The following VWA5B1 variants were observed in gnomAD, a reference collection of about 807,000 sequenced individuals.
VWA5B1 encodes the protein von Willebrand factor A domain-containing protein 5B1.
Under a neutral mutation model 118.2 loss-of-function variants are expected in VWA5B1, and 115 were observed. The ratio of observed to expected loss-of-function variants is 0.97; its 90% CI spans 0.84 to 1.14. VWA5B1 has a LOEUF of 1.14. Among genes scored for constraint, VWA5B1 ranks in the 50% most tolerant of loss-of-function variants. The pLI, the probability that VWA5B1 is intolerant of heterozygous loss-of-function variation, is 0.00. For missense variants in VWA5B1, 1,596 were observed against 1,603.8 expected (o/e 1.00, Z 0.08); for synonymous variants, 682 against 658.4 (o/e 1.04, Z -0.55).
intron 4 of VWA5B1, among the ~76,000 whole-genome samples, chr1:20,315,358 C>T (rs567828473): frequency 3.9e-5 from 6 of 152,178 alleles, no homozygotes; most frequent in African/African-American, 9.6e-5. Flanking sequence ...AACAAGGAAC[C>T]ATTAAGAGGG....
chr1:20,315,142 G>A (rs182179830), intron 4 of VWA5B1, among the ~76,000 whole-genome samples: 47 of 152,370 alleles, frequency 3.1e-4, no homozygotes, highest in African/African-American at 1.0e-3. Context: ...TCTCCGAGGA[G>A]TGATGTTTCA....
chr1:20,343,629 C>T (rs2089940466), intron 16 of VWA5B1, among the ~76,000 whole-genome samples: 1 of 141,910 alleles, frequency 7.0e-6, no homozygotes, highest in African/African-American at 2.7e-5. Flanking sequence ...CGCCCCATCC[C>T]CTCATTACAA....
chr1:20,314,694 A>C (rs1461458665), intron 4 of VWA5B1, 102 bp downstream of exon 4: 1 of 1,476,930 alleles, frequency 6.8e-7, no homozygotes, highest in African/African-American at 1.4e-5. Context: ...CAGGGAGGAG[A>C]TGGGGAGGCT....
intron 1 of VWA5B1, among the ~76,000 whole-genome samples, chr1:20,310,311 C>T (rs1000822567): frequency 6.6e-6 from 1 of 152,122 alleles, no homozygotes; most frequent in Non-Finnish European, 1.5e-5. Context: ...TGTGCGCCAA[C>T]GCTTTGAGTG....
At chr1:20,327,013 CCATCATGAT>C (rs1428747107) in intron 8 of VWA5B1, among the ~76,000 whole-genome samples, 1 of 152,096 alleles carries the variant, frequency 6.6e-6, no homozygotes. Flanking sequence ...ACCATCGTCA[CCATCATGAT>C]CATCATGATC....
At position 20,353,732 on chromosome 1, in the gene VWA5B1, A is replaced by T. The variant is rs186172455; in HGVS notation, c.3142-25A>T. On this transcript the variant is annotated intron_variant, in intron 21 of 21. Transcript: ENST00000289815. The stretch of plus-strand genomic sequence containing the variant: ...CCCTGGGCTAAAACATTTGAGGCCC[A>T]CTGAAGGGCTTCCCCCACACACAGG... 1.2e-5 allele frequency: 18 copies of T among 1,449,076 alleles called. No homozygotes were observed. In the East Asian group the frequency reaches 3.8e-4, roughly 30 times the overall value. The allele number at this position is 1,449,076 out of a possible 1,614,324, so 89.8% of individuals were successfully genotyped here. A position where few individuals can be genotyped will look rare whatever the true frequency, so the allele number is the denominator to read the frequency against.
chr1:20,297,383 A>G (rs762799706), intron 1 of VWA5B1, among the ~76,000 whole-genome samples: 12 of 152,212 alleles, frequency 7.9e-5, no homozygotes, highest in Non-Finnish European at 1.6e-4. Context: ...GGGCAAGCAC[A>G]CATTGGCTTT....
Position 20,313,075 on chromosome 1 carries a change from T to G in VWA5B1, c.292+87T>G, listed in dbSNP as rs1324200399. The G allele has an allele frequency of 3.4e-6, 5 of 1,485,930 alleles. No individual in the cohort carries two copies. The African/African-American group carries it at 4.2e-5, about 12-fold the overall frequency. The allele number at this position is 1,485,930 out of a possible 1,614,324, so 92.0% of individuals were successfully genotyped here. ...TGGAGCCTCAGGCCAACTGCAAGGA[T>G]AGCAGTGGGATATGAGGCAGAAAGA... On this transcript the variant is annotated intron_variant, in intron 3 of 21. Transcript: ENST00000289815.
rs536004735 is a variant in VWA5B1 at position 20,336,754 on chromosome 1, C to T, written c.1942+268C>T. Among the ~76,000 whole-genome samples, 7 of 152,264 alleles carry T rather than the reference C, an allele frequency of 4.6e-5. No individual in the cohort carries two copies. In the East Asian group the frequency reaches 1.2e-3, roughly 25 times the overall value. On this transcript the variant is annotated intron_variant, in intron 13 of 21. Transcript: ENST00000289815. ...TAGTTTCCATTCAAAGGGTACTTAT[C>T]GATTCCTTACTAAGGTTAGGGGCTG...
At chr1:20,310,386 C>G (rs1285991806) in intron 1 of VWA5B1, among the ~76,000 whole-genome samples, 190 bp from the exon 2 acceptor site, 3 of 152,152 alleles carry the variant, frequency 2.0e-5, no homozygotes, top group Non-Finnish European at 4.4e-5. Context: ...AGGAAGAGAA[C>G]GGCCACTTCT....
In VWA5B1 at chr1:20,293,610, G is replaced by A. The variant is rs111733418; in HGVS notation, c.-27+2522G>A. Among the ~76,000 whole-genome samples, 1,097 of 152,332 alleles carry A rather than the reference G, an allele frequency of 7.2e-3. 8 individuals carry two copies. Among genetic ancestry groups the A allele is most frequent in the Middle Eastern group, 0.044 (13 of 294 alleles). ...GTCCTTACTCCAGTCAGCCTGGGAA[G>A]GGGCTTGAGCAAGGCCAAGAAGAGG... is the stretch of plus-strand genomic sequence containing the variant. On this transcript the variant is annotated intron_variant, in intron 1 of 21. Transcript: ENST00000289815.
intron 8 of VWA5B1, among the ~76,000 whole-genome samples, chr1:20,327,292 G>T (rs771130856): frequency 6.6e-6 from 1 of 152,116 alleles, no homozygotes; most frequent in African/African-American, 2.4e-5. Context: ...TACCTGCCTC[G>T]AAGGGTTATG....
At chr1:20,335,003 C>G (rs1474616629) in intron 12 of VWA5B1, among the ~76,000 whole-genome samples, 2 of 151,824 alleles carry the variant, frequency 1.3e-5, no homozygotes, top group Non-Finnish European at 2.9e-5. Context: ...ATTGTGCAGT[C>G]AAATGCTAAA....
At chr1:20,308,070 AT>A (rs1187347709) in intron 1 of VWA5B1, among the ~76,000 whole-genome samples, 1 of 152,078 alleles carries the variant, frequency 6.6e-6, no homozygotes, top group Non-Finnish European at 1.5e-5. Context: ...TATTATTGCC[AT>A]CTTTATGTCC....
intron 1 of VWA5B1, among the ~76,000 whole-genome samples, chr1:20,299,848 C>A (rs183244554): frequency 6.6e-6 from 1 of 152,176 alleles, no homozygotes; most frequent in South Asian, 2.1e-4. Context: ...CTCCTACCCC[C>A]GCCTCCCCAC....
intron 1 of VWA5B1, among the ~76,000 whole-genome samples, chr1:20,305,282 G>A (rs1298396471): frequency 2.0e-5 from 3 of 152,124 alleles, no homozygotes; most frequent in African/African-American, 7.2e-5. Context: ...TGGAAATGCA[G>A]GCTGAGCTGG....
intron 17 of VWA5B1, among the ~76,000 whole-genome samples, chr1:20,346,029 G>A (rs977140254): frequency 6.6e-6 from 1 of 152,146 alleles, no homozygotes; most frequent in East Asian, 1.9e-4. Flanking sequence ...TCAAAAGACA[G>A]ATCATTTTAC....
chr1:20,318,628 G>T lies in VWA5B1; in HGVS notation c.748G>T (p.Ala250Ser), dbSNP rs1048425237. 1 of 1,550,736 alleles carries T rather than the reference G, an allele frequency of 6.4e-7. No individual in the cohort carries two copies. Among genetic ancestry groups the T allele is most frequent in the South Asian group, 1.2e-5 (1 of 83,870 alleles). ...CACTCATGAGATTCGTGCCGACGCC[G>T]CCCCATCTGCCCGCTCGGCCAAGAG... Reference protein sequence around the residue: ...SPTHEIRADAAPSARSAKSII... With the variant: ...SPTHEIRADASPSARSAKSII... Residue 250 changes from alanine to serine, a missense_variant, in exon 6 of 22, where the codon GCC becomes TCC. By Grantham distance (99) the Ala-to-Ser change is moderately conservative. Transcript: ENST00000289815.
At chr1:20,306,137 C>T (rs1238437366) in intron 1 of VWA5B1, among the ~76,000 whole-genome samples, 1 of 152,050 alleles carries the variant, frequency 6.6e-6, no homozygotes, top group Non-Finnish European at 1.5e-5. Flanking sequence ...AAACTCCAAA[C>T]AGAGCAGGAT....
Sources: gnomAD v4.1 joint callset for allele counts (sites outside exome capture counted in the v4.1 genomes callset) on GRCh38, gnomAD v4.1.1 for gene constraint, MANE v1.5 for transcripts, NCBI Gene and HGNC (gene_info 2026-07-23, HGNC 2026-07-21) for gene names.